TYR: variants seen among roughly 807,000 people sequenced by gnomAD.
TYR encodes the protein tyrosinase.
In TYR, 58 loss-of-function variants were observed where a neutral mutation model predicts 51.5. The ratio of observed to expected loss-of-function variants is 1.13; its 90% CI spans 0.91 to 1.40. The LOEUF is 1.40. Ranked by LOEUF, TYR falls within the 40% of genes most tolerant of loss-of-function variation. TYR has a pLI of 0.00. For missense variants in TYR, 732 were observed against 647.4 expected, an observed-to-expected ratio of 1.13 and a Z score of -1.42; for synonymous variants, 263 against 235.2, an observed-to-expected ratio of 1.12 and a Z score of -1.08.
chr11:89,228,096 T>G (rs546413632), intron 3 of TYR, 126 bp downstream of exon 3: 1 of 1,204,910 alleles, frequency 8.3e-7, no homozygotes, highest in East Asian at 2.4e-5. Flanking sequence ...GTGATCAGGT[T>G]GTCACCAAAA....
intron 2 of TYR, among the ~76,000 whole-genome samples, chr11:89,217,061 T>C (rs2135273750): frequency 6.6e-6 from 1 of 152,294 alleles, no homozygotes; most frequent in Non-Finnish European, 1.5e-5. Flanking sequence ...TACCCATGTT[T>C]TGTAAAGTAT....
intron 1 of TYR, among the ~76,000 whole-genome samples, chr11:89,190,323 G>T (rs937500315): frequency 6.6e-6 from 1 of 152,074 alleles, no homozygotes; most frequent in African/African-American, 2.4e-5. Flanking sequence ...TTTTCCAGTG[G>T]GACAAGATGT....
chr11:89,270,758 A>T (rs1320994775), intron 3 of TYR, among the ~76,000 whole-genome samples: 1 of 151,930 alleles, frequency 6.6e-6, no homozygotes, highest in East Asian at 1.9e-4. Flanking sequence ...AGGGAAAAAT[A>T]TACAATTCCT....
chr11:89,239,078 AGGTAAAGCT>A (rs1472272438), intron 3 of TYR, among the ~76,000 whole-genome samples: 1 of 152,154 alleles, frequency 6.6e-6, no homozygotes, highest in African/African-American at 2.4e-5. Flanking sequence ...TTTGGTATCA[AGGTAAAGCT>A]GGCCTTCTGA....
intron 3 of TYR, among the ~76,000 whole-genome samples, chr11:89,266,454 T>C (rs901212912): frequency 2.0e-5 from 3 of 151,996 alleles, no homozygotes; most frequent in African/African-American, 7.2e-5. Context: ...TGATTTTTCT[T>C]ACATTTAGTA....
At chr11:89,193,018 G>A (rs1469055463) in intron 2 of TYR, among the ~76,000 whole-genome samples, 1 of 152,056 alleles carries the variant, frequency 6.6e-6, no homozygotes, top group Non-Finnish European at 1.5e-5. Flanking sequence ...ATACCAGTTT[G>A]GTCTTTTGAC....
At chr11:89,283,746 C>G (rs866586226) in intron 3 of TYR, 4 of 151,860 alleles carry the variant, frequency 2.6e-5, no homozygotes, top group Non-Finnish European at 5.9e-5. Flanking sequence ...GTTAATGGCT[C>G]TCTATAAATT....
At chr11:89,230,352 T>C (rs1265436302) in intron 3 of TYR, among the ~76,000 whole-genome samples, 3 of 152,112 alleles carry the variant, frequency 2.0e-5, no homozygotes, top group Admixed American at 6.6e-5. Context: ...ATTGGACCCA[T>C]ATCTAACACC....
chr11:89,277,021 C>G (rs1467703280), intron 3 of TYR, among the ~76,000 whole-genome samples: 1 of 151,678 alleles, frequency 6.6e-6, no homozygotes, highest in African/African-American at 2.4e-5. Context: ...CTCATTTTAT[C>G]CTTAACTATT....
chr11:89,201,158 AATG>A (rs1450845603), intron 2 of TYR, among the ~76,000 whole-genome samples: 3 of 152,182 alleles, frequency 2.0e-5, no homozygotes, highest in African/African-American at 2.4e-5. Flanking sequence ...ACAAGCTCAT[AATG>A]ATGTTATCAA....
At chr11:89,277,032 G>A (rs12416958) in intron 3 of TYR, among the ~76,000 whole-genome samples, 9,451 of 151,648 alleles carry the variant, frequency 0.062, 421 homozygotes, top group East Asian at 0.12. Flanking sequence ...CTTAACTATT[G>A]TTACTTGACA....
chr11:89,217,657 GT>G (rs1474640213), intron 2 of TYR, among the ~76,000 whole-genome samples: 1 of 152,160 alleles, frequency 6.6e-6, no homozygotes, highest in Non-Finnish European at 1.5e-5. Flanking sequence ...TTCTGTTTGA[GT>G]CTCTTCGTTG....
intron 2 of TYR, among the ~76,000 whole-genome samples, chr11:89,198,179 T>C (rs1197324242): frequency 6.6e-6 from 1 of 151,998 alleles, no homozygotes; most frequent in East Asian, 1.9e-4. Context: ...TAGTTTTCAG[T>C]CTTCCTGCCT....
intron 3 of TYR, among the ~76,000 whole-genome samples, chr11:89,229,343 C>T (rs1180276458): frequency 6.6e-6 from 1 of 151,998 alleles, no homozygotes; most frequent in Non-Finnish European, 1.5e-5. Flanking sequence ...TATACCCATA[C>T]ATAAGAGAGA....
intron 3 of TYR, among the ~76,000 whole-genome samples, chr11:89,265,459 T>C (rs1944514544): frequency 6.6e-6 from 1 of 152,104 alleles, no homozygotes; most frequent in Non-Finnish European, 1.5e-5. Flanking sequence ...TAACTGGGCC[T>C]TTCTCATTTC....
At chr11:89,193,565 G>T (rs1019192364) in intron 2 of TYR, among the ~76,000 whole-genome samples, 2 of 152,072 alleles carry the variant, frequency 1.3e-5, no homozygotes, top group East Asian at 3.9e-4. Flanking sequence ...GCACACAGTC[G>T]TTCGGTAAGT....
rs777884034 is a variant in TYR at position 89,178,395 on chromosome 11, G to A, written c.442G>A (p.Asp148Asn). 1.1e-5 allele frequency: 18 copies of A among 1,614,116 alleles called. No homozygotes were observed. Among genetic ancestry groups the A allele is most frequent in the Non-Finnish European group, 1.5e-5 (18 of 1,180,022 alleles). The change falls in exon 1 of 5, where the codon GAC becomes AAC. Residue 148 changes from aspartate (D) to asparagine (N), a missense_variant. Asp to Asn is a conservative substitution (Grantham distance 23). Transcript: ENST00000263321. Reference protein sequence around the residue: ...LTLAKHTISSDYVIPIGTYGQ... With the variant: ...LTLAKHTISSNYVIPIGTYGQ... ...TTTAGCAAAGCATACCATCAGCTCA[G>A]ACTATGTCATCCCCATAGGGACCTA... is the stretch of plus-strand genomic sequence containing the variant.
intron 3 of TYR, 110 bp downstream of exon 3, chr11:89,228,080 T>C (rs1395917249): frequency 8.7e-6 from 12 of 1,378,470 alleles, no homozygotes; most frequent in African/African-American, 1.4e-5. Flanking sequence ...TGGTAGTCTA[T>C]TGTCTGTGAT....
At chr11:89,267,581 C>T (rs1944540589) in intron 3 of TYR, among the ~76,000 whole-genome samples, 1 of 151,892 alleles carries the variant, frequency 6.6e-6, no homozygotes, top group Admixed American at 6.6e-5. Context: ...ATATTCTCCT[C>T]ATTCCCAGGG....
Sources: allele counts gnomAD v4.1 joint callset (sites outside exome capture counted in the v4.1 genomes callset), GRCh38; gene constraint gnomAD v4.1.1; transcripts MANE v1.5; gene names NCBI Gene and HGNC (gene_info 2026-07-23, HGNC 2026-07-21).